Variants in SORL1 observed in about 807,000 individuals in gnomAD.
SORL1 encodes the protein sortilin related receptor 1, also known as sortilin-related receptor.
Under a neutral mutation model 273.7 loss-of-function variants are expected in SORL1, and 127 were observed. The observed-to-expected ratio is 0.46, with a 90% CI of 0.40 to 0.54. The LOEUF is 0.54. Ranked by LOEUF, SORL1 falls within the 20% of genes least tolerant of loss-of-function variation. The probability of loss-of-function intolerance (pLI) is 0.00; values close to 1 mark genes in which losing one functional copy is unlikely to be tolerated. For missense variants in SORL1, 2,494 were observed against 2,846.1 expected, an observed-to-expected ratio of 0.88 and a Z score of 2.81; for synonymous variants, 1,031 against 1,067.4, an observed-to-expected ratio of 0.97 and a Z score of 0.66.
At chr11:121,556,491 G>A (rs1051000986) in intron 18 of SORL1, among the ~76,000 whole-genome samples, 2 of 152,208 alleles carry the variant, frequency 1.3e-5, no homozygotes, top group African/African-American at 2.4e-5. Context: ...CGGTGGTTAT[G>A]TTATTGCTCT....
intron 40 of SORL1, among the ~76,000 whole-genome samples, chr11:121,613,752 GCCAGGATTGGAAC>G (rs1863601078): frequency 6.6e-6 from 1 of 152,214 alleles, no homozygotes; most frequent in Non-Finnish European, 1.5e-5. Context: ...CGGTGGCAGA[GCCAGGATTGGAAC>G]CCACATCTTT....
chr11:121,585,238 C>A (rs1404808681), intron 26 of SORL1, among the ~76,000 whole-genome samples: 1 of 152,130 alleles, frequency 6.6e-6, no homozygotes, highest in Admixed American at 6.5e-5. Flanking sequence ...AATCCCAGCA[C>A]TTTAGGAGGC....
rs1467654522 is a variant in SORL1 at position 121,632,322 on chromosome 11, A to T, written c.*2759A>T. ...CTTTATGAGATACGAGTCCACATGG[A>T]TAAAATGTTAGAGAGTGGAGTTCTA... On this transcript the variant is annotated 3_prime_UTR_variant, in exon 48 of 48. Transcript: ENST00000260197. The T allele has an allele frequency of 6.6e-6, 1 of 152,086 alleles. No individual in the cohort carries two copies. The highest frequency in any genetic ancestry group is 2.4e-5 in the African/African-American group (1 of 41,404). The allele number at this position is 152,086 out of a possible 1,614,324, so 9.4% of individuals were successfully genotyped here. A position where few individuals can be genotyped will look rare whatever the true frequency, so the allele number is the denominator to read the frequency against.
At chr11:121,540,669 C>A (rs774899410) in intron 12 of SORL1, among the ~76,000 whole-genome samples, 1 of 152,150 alleles carries the variant, frequency 6.6e-6, no homozygotes. Flanking sequence ...AAGACAAGAG[C>A]CTTTTCCCCA....
intron 21 of SORL1, among the ~76,000 whole-genome samples, chr11:121,561,675 T>G: frequency 8.6e-6 from 1 of 115,646 alleles, no homozygotes; most frequent in Non-Finnish European, 1.7e-5. Flanking sequence ...GGTGACAGAG[T>G]GAGACCCTGT....
chr11:121,560,332 G>A (rs552503475), intron 21 of SORL1, among the ~76,000 whole-genome samples: 1 of 152,340 alleles, frequency 6.6e-6, no homozygotes, highest in South Asian at 2.1e-4. Context: ...TCTACTGGGT[G>A]AGGCTTCAAG....
At chr11:121,477,211 T>G (rs1861283351) in intron 2 of SORL1, among the ~76,000 whole-genome samples, 1 of 152,220 alleles carries the variant, frequency 6.6e-6, no homozygotes, top group South Asian at 2.1e-4. Flanking sequence ...ATATTAATTA[T>G]TTCACATCTC....
At chr11:121,486,672 G>A (rs1861477356) in intron 3 of SORL1, among the ~76,000 whole-genome samples, 2 of 151,870 alleles carry the variant, frequency 1.3e-5, no homozygotes, top group Non-Finnish European at 2.9e-5. Context: ...GTAGAGATGG[G>A]TTTTCACCCT....
chr11:121,597,890 G>A (rs1020370560), intron 32 of SORL1, among the ~76,000 whole-genome samples: 4 of 152,176 alleles, frequency 2.6e-5, no homozygotes, highest in Non-Finnish European at 5.9e-5. Flanking sequence ...GGAGAGGTGG[G>A]GACAGGCCAG....
intron 14 of SORL1, among the ~76,000 whole-genome samples, chr11:121,549,728 T>C (rs1862480820): frequency 6.6e-6 from 1 of 152,010 alleles, no homozygotes; most frequent in Non-Finnish European, 1.5e-5. Flanking sequence ...ATGATGATTT[T>C]TTTTTTTTTT....
intron 11 of SORL1, among the ~76,000 whole-genome samples, chr11:121,524,091 G>A (rs1232190865): frequency 1.3e-5 from 2 of 152,210 alleles, no homozygotes; most frequent in Non-Finnish European, 2.9e-5. Context: ...TTCAGATGAG[G>A]CAGATTGTTA....
At chr11:121,523,578 C>T (rs11218319) in intron 11 of SORL1, among the ~76,000 whole-genome samples, 49,416 of 151,632 alleles carry the variant, frequency 0.33, 8,825 homozygotes, top group Middle Eastern at 0.46. Flanking sequence ...GCTAATTCAT[C>T]TTCATCTTTG....
At chr11:121,464,685 C>T (rs1203408347) in intron 1 of SORL1, among the ~76,000 whole-genome samples, 4 of 152,164 alleles carry the variant, frequency 2.6e-5, no homozygotes, top group Non-Finnish European at 5.9e-5. Flanking sequence ...GATGCCGAGG[C>T]GAGTCAAGGT....
chr11:121,530,398 A>G (rs1158964091), intron 11 of SORL1, among the ~76,000 whole-genome samples: 1 of 152,158 alleles, frequency 6.6e-6, no homozygotes, highest in Non-Finnish European at 1.5e-5. Context: ...TCATTCCTGA[A>G]GGATATGTTT....
At chr11:121,570,428 C>T (rs1428298969) in intron 23 of SORL1, among the ~76,000 whole-genome samples, 158 bp downstream of exon 23, 1 of 152,126 alleles carries the variant, frequency 6.6e-6, no homozygotes, top group African/African-American at 2.4e-5. Flanking sequence ...AACATATTTC[C>T]ATACACAGGT....
At chr11:121,619,650 C>A in intron 42 of SORL1, 103 bp from the exon 43 acceptor site, 1 of 989,608 alleles carries the variant, frequency 1.0e-6, no homozygotes, top group Non-Finnish European at 1.5e-6. Flanking sequence ...TTTGTACTAA[C>A]TGAATTTTAA....
rs200138814 is a variant in SORL1, at chr11:121,614,781, A to AT, written c.5420-81dup. On this transcript the variant is annotated intron_variant, in intron 40 of 47. Transcript: ENST00000260197. ...GACTCATTTAAGTCAAGAGATTACT[A>AT]TTTTTTTTTAAAAAAGTGCATGTAC... The AT allele has an allele frequency of 2.0e-3, 1,972 of 993,224 alleles. 7 individuals carry two copies. Among genetic ancestry groups the AT allele is most frequent in the African/African-American group, 0.019 (1,165 of 61,124 alleles). 61.5% of individuals were successfully genotyped at this position (993,224 alleles called of 1,614,324 possible).
chr11:121,552,476 G>T (rs1282168466), intron 16 of SORL1, among the ~76,000 whole-genome samples: 1 of 152,212 alleles, frequency 6.6e-6, no homozygotes, highest in Non-Finnish European at 1.5e-5. Context: ...CAGAGTGACA[G>T]AATGAGGTTT....
intron 1 of SORL1, among the ~76,000 whole-genome samples, chr11:121,454,170 G>A (rs1860863316): frequency 6.6e-6 from 1 of 152,182 alleles, no homozygotes; most frequent in Admixed American, 6.5e-5. Context: ...CACCAGCATG[G>A]GGCTGATGGA....
Sources: allele counts gnomAD v4.1 joint callset (sites outside exome capture counted in the v4.1 genomes callset), GRCh38; gene constraint gnomAD v4.1.1; transcripts MANE v1.5; gene names NCBI Gene and HGNC (gene_info 2026-07-23, HGNC 2026-07-21).